Variants in EXOSC4 observed in about 807,000 individuals in gnomAD.
EXOSC4 encodes exosome component 4.
A neutral mutation model predicts 20.0 loss-of-function variants in EXOSC4; 14 were observed. The ratio of observed to expected loss-of-function variants is 0.70; its 90% CI spans 0.46 to 1.09. EXOSC4 has a LOEUF of 1.09. Ranked by LOEUF, EXOSC4 falls within the 50% of genes least tolerant of loss-of-function variation. The pLI is 0.00. For missense variants in EXOSC4, 337 were observed against 334.0 expected (o/e 1.01, Z -0.07); for synonymous variants, 148 against 146.4 (o/e 1.01, Z -0.08).
At chr8:144,073,841 ACT>A (rs1835812467), upstream of EXOSC4, among the ~76,000 whole-genome samples, 3 of 150,330 alleles carry the variant, frequency 2.0e-5, no homozygotes, top group South Asian at 4.2e-4. Flanking sequence ...ACAGAGCGAG[ACT>A]CTGTCTCAAA....
upstream of EXOSC4, among the ~76,000 whole-genome samples, chr8:144,073,719 C>T (rs1753331715): frequency 6.6e-6 from 1 of 152,082 alleles, no homozygotes. Context: ...GACATGGTGG[C>T]ACACGCCTGT....
At chr8:144,075,285 G>T (rs138172342), upstream of EXOSC4, among the ~76,000 whole-genome samples, 1 of 151,196 alleles carries the variant, frequency 6.6e-6, no homozygotes, top group African/African-American at 2.5e-5. Flanking sequence ...GGAGTGCAGT[G>T]GTGCGATTTC....
chr8:144,076,740 C>T (rs2129914505), upstream of EXOSC4, among the ~76,000 whole-genome samples: 1 of 152,280 alleles, frequency 6.6e-6, no homozygotes, highest in East Asian at 1.9e-4. Context: ...GGTGGGCAGT[C>T]CACAGAGCTC....
chr8:144,077,098 A>G (rs534811528), upstream of EXOSC4, among the ~76,000 whole-genome samples: 10 of 150,040 alleles, frequency 6.7e-5, no homozygotes, highest in South Asian at 2.1e-4. Flanking sequence ...TTAGCCAGGC[A>G]TAGTGGCAGG....
chr8:144,071,429 G>A, the EXOSC4 span, among the ~76,000 whole-genome samples: 1 of 149,508 alleles, frequency 6.7e-6, no homozygotes, highest in Non-Finnish European at 1.5e-5. Context: ...GGGATTATAG[G>A]CATGCGCCTG....
chr8:144,064,930 C>T, the EXOSC4 span, among the ~76,000 whole-genome samples: 6 of 151,806 alleles, frequency 4.0e-5, no homozygotes, highest in Admixed American at 1.3e-4. Flanking sequence ...CAAGCTCCGC[C>T]TCCCAGGTTC....
At chr8:144,075,910 A>T (rs73379180), upstream of EXOSC4, among the ~76,000 whole-genome samples, 13,583 of 152,278 alleles carry the variant, frequency 0.089, 666 homozygotes, top group African/African-American at 0.13. Context: ...CTTATGTTTC[A>T]AAAGAAGACT....
chr8:144,077,634 C>T (rs571803615), upstream of EXOSC4, among the ~76,000 whole-genome samples: 1 of 152,360 alleles, frequency 6.6e-6, no homozygotes, highest in Admixed American at 6.5e-5. Flanking sequence ...TCCCTTAAGC[C>T]TGGGCAGATC....
upstream of EXOSC4, among the ~76,000 whole-genome samples, chr8:144,073,952 G>A (rs1033959317): frequency 2.6e-5 from 4 of 152,270 alleles, no homozygotes; most frequent in Middle Eastern, 3.4e-3. Flanking sequence ...TCAGCCCAAC[G>A]GAATAGTGGC....
At chr8:144,072,730 T>C in the EXOSC4 span, among the ~76,000 whole-genome samples, 2 of 152,250 alleles carry the variant, frequency 1.3e-5, no homozygotes, top group Non-Finnish European at 2.9e-5. Context: ...CAGGATTTCA[T>C]TCTTTTTGTG....
Position 144,078,713 on chromosome 8 carries a change from C to T in EXOSC4, c.-16C>T. On this transcript the variant is annotated 5_prime_UTR_variant, in exon 1 of 3. Coordinates refer to ENST00000316052, the MANE Select transcript of EXOSC4 (RefSeq NM_019037.3). The surrounding 1 kb of genome is among the most constrained non-coding windows in gnomAD (Gnocchi z 4.7). ...TCAGAGAAGTAGGCAGAGAGCGGAC[C>T]TGGCGGCCGGGCAGCATGGCGGGGC... 5 of 1,431,556 alleles carry T rather than the reference C, an allele frequency of 3.5e-6. No homozygotes were observed. The highest frequency in any genetic ancestry group is 3.7e-6 in the Non-Finnish European group (4 of 1,089,154). 88.7% of individuals were successfully genotyped at this position (1,431,556 alleles called of 1,614,324 possible). A position where few individuals can be genotyped will look rare whatever the true frequency, so the allele number is the denominator to read the frequency against.
At chr8:144,079,516 C>A in intron 1 of EXOSC4, 1 of 356,756 alleles carries the variant, frequency 2.8e-6, no homozygotes, top group Non-Finnish European at 5.5e-6. Context: ...GGCACTTATG[C>A]AGAGCAGAAA....
chr8:144,075,249 CAG>C (rs1261688730), upstream of EXOSC4, among the ~76,000 whole-genome samples: 5 of 140,844 alleles, frequency 3.6e-5, no homozygotes, highest in Admixed American at 2.0e-4. Context: ...TTTTTTGAGA[CAG>C]AGTCTCGCTC....
chr8:144,079,043 A>G lies in EXOSC4; in HGVS notation c.171+144A>G, dbSNP rs1264349398. The G allele has an allele frequency of 3.2e-6, 3 of 941,434 alleles. No homozygotes were observed. The Admixed American group carries it at 1.2e-4, about 39-fold the overall frequency. 58.3% of individuals were successfully genotyped at this position (941,434 alleles called of 1,614,324 possible). On this transcript the variant is annotated intron_variant, in intron 1 of 2. Coordinates refer to ENST00000316052, the MANE Select transcript of EXOSC4 (RefSeq NM_019037.3). The stretch of plus-strand genomic sequence containing the variant: ...ATGCTCAGCACCGCATCTCACTCGG[A>G]GTAAACGCAAGTCCTTAGTGTGCTG...
the EXOSC4 span, among the ~76,000 whole-genome samples, chr8:144,069,218 G>A: frequency 1.3e-5 from 2 of 152,250 alleles, no homozygotes; most frequent in African/African-American, 4.8e-5. Context: ...GTGCCAGGCT[G>A]CACCCAGGCT....
At chr8:144,074,323 A>C (rs1260137934), upstream of EXOSC4, among the ~76,000 whole-genome samples, 2 of 151,886 alleles carry the variant, frequency 1.3e-5, no homozygotes, top group African/African-American at 4.8e-5. Context: ...AGCTCCCGGG[A>C]GGTTGAGTTG....
the EXOSC4 span, among the ~76,000 whole-genome samples, chr8:144,064,586 G>A: frequency 5.3e-5 from 8 of 152,234 alleles, no homozygotes; most frequent in East Asian, 1.3e-3. Flanking sequence ...GGGAGGCTGG[G>A]CCTGTTTCTG....
upstream of EXOSC4, among the ~76,000 whole-genome samples, chr8:144,075,968 A>G (rs1454043411): frequency 3.3e-5 from 5 of 152,216 alleles, no homozygotes; most frequent in Non-Finnish European, 7.3e-5. Context: ...TTCACAGGCA[A>G]GTTTGAAGAG....
At chr8:144,064,382 A>G in the EXOSC4 span, among the ~76,000 whole-genome samples, 1 of 152,262 alleles carries the variant, frequency 6.6e-6, no homozygotes, top group Non-Finnish European at 1.5e-5. Flanking sequence ...CGGTTGGCAC[A>G]GCTTCTGAAG....
Sources: gnomAD v4.1 joint callset for allele counts (sites outside exome capture counted in the v4.1 genomes callset) on GRCh38, gnomAD v4.1.1 for gene constraint, Gnocchi (gnomAD v3.1) non-coding constraint, MANE v1.5 for transcripts, NCBI Gene and HGNC (gene_info 2026-07-23, HGNC 2026-07-21) for gene names.